The following NALCN variants were observed in gnomAD, a reference collection of about 807,000 sequenced individuals.
NALCN encodes the protein sodium leak channel NALCN.
In NALCN, 111 loss-of-function variants were observed where a neutral mutation model predicts 225.3. That is an observed-to-expected ratio of 0.49 (90% CI 0.42 to 0.58). The LOEUF (loss-of-function observed/expected upper bound fraction) is 0.58, where lower values mean the gene tolerates loss of function less well. NALCN is among the 20% of genes least tolerant of loss of function. NALCN has a pLI of 0.00. For synonymous variants in NALCN, 764 were observed against 769.0 expected (o/e 0.99, Z 0.11); for missense variants, 1,378 against 2,202.4 (o/e 0.63, Z 7.49).
intron 7 of NALCN, among the ~76,000 whole-genome samples, chr13:101,307,932 T>C (rs1245535902): frequency 2.6e-5 from 4 of 152,182 alleles, no homozygotes; most frequent in African/African-American, 9.7e-5. Context: ...ATCAGAACAA[T>C]ATAAAATTTA....
chr13:101,309,027 T>G (rs1475997909), intron 7 of NALCN, among the ~76,000 whole-genome samples: 1 of 152,214 alleles, frequency 6.6e-6, no homozygotes, highest in Non-Finnish European at 1.5e-5. Flanking sequence ...ATACTTTGAA[T>G]ATGAGATTGT....
chr13:101,215,145 C>T (rs2040679376), intron 13 of NALCN, among the ~76,000 whole-genome samples: 1 of 152,148 alleles, frequency 6.6e-6, no homozygotes, highest in Admixed American at 6.6e-5. Context: ...CTCTCATATA[C>T]TGCTGATAGC....
At chr13:101,259,767 T>A (rs994537384) in intron 10 of NALCN, among the ~76,000 whole-genome samples, 3 of 35,616 alleles carry the variant, frequency 8.4e-5, no homozygotes, top group African/African-American at 1.2e-4. Context: ...CACACATAAA[T>A]ATATATATAT....
chr13:101,168,994 G>A (rs2038587024), intron 15 of NALCN, among the ~76,000 whole-genome samples: 1 of 152,130 alleles, frequency 6.6e-6, no homozygotes, highest in South Asian at 2.1e-4. Flanking sequence ...ATTTCAGTCT[G>A]CACCTGCTTG....
At chr13:101,344,576 C>T (rs2045656602) in intron 7 of NALCN, among the ~76,000 whole-genome samples, 1 of 151,686 alleles carries the variant, frequency 6.6e-6, no homozygotes, top group South Asian at 2.1e-4. Context: ...TGGAATTATA[C>T]ATTTTTTGCT....
chr13:101,199,960 C>G (rs1444059054), intron 13 of NALCN, among the ~76,000 whole-genome samples: 1 of 152,108 alleles, frequency 6.6e-6, no homozygotes, highest in East Asian at 1.9e-4. Flanking sequence ...GGTTTCTCTT[C>G]AATTTCCTAA....
chr13:101,407,179 G>A (rs1050101385), intron 1 of NALCN, among the ~76,000 whole-genome samples: 1 of 152,132 alleles, frequency 6.6e-6, no homozygotes, highest in Non-Finnish European at 1.5e-5. Flanking sequence ...AGACAAAATA[G>A]AAATTCTCTA....
intron 15 of NALCN, among the ~76,000 whole-genome samples, chr13:101,157,569 T>C (rs910641888): frequency 1.3e-5 from 2 of 152,184 alleles, no homozygotes; most frequent in Admixed American, 1.3e-4. Context: ...AGTTGGATTA[T>C]AAATGAGGAT....
intron 13 of NALCN, among the ~76,000 whole-genome samples, chr13:101,219,848 T>A (rs550559320): frequency 6.6e-6 from 1 of 152,306 alleles, no homozygotes; most frequent in African/African-American, 2.4e-5. Flanking sequence ...TGTCCAGCTG[T>A]GTAACTTTGT....
intron 7 of NALCN, among the ~76,000 whole-genome samples, chr13:101,317,681 T>G (rs1230826193): frequency 6.6e-6 from 1 of 152,132 alleles, no homozygotes; most frequent in Admixed American, 6.5e-5. Flanking sequence ...ATGGACGCCC[T>G]CTCTTCCTGT....
intron 1 of NALCN, among the ~76,000 whole-genome samples, chr13:101,406,784 AT>A (rs770141773): frequency 6.6e-6 from 1 of 152,326 alleles, no homozygotes; most frequent in African/African-American, 2.4e-5. Context: ...GAAATATTCT[AT>A]TATACCTTCA....
At chr13:101,261,577 A>G (rs541202733) in intron 10 of NALCN, among the ~76,000 whole-genome samples, 86 of 152,136 alleles carry the variant, frequency 5.7e-4, no homozygotes, top group African/African-American at 9.9e-4. Context: ...TTTTTGGTTA[A>G]TTGCAAGGAA....
chr13:101,328,588 C>G (rs1028537496), intron 7 of NALCN, among the ~76,000 whole-genome samples: 1 of 152,092 alleles, frequency 6.6e-6, no homozygotes, highest in African/African-American at 2.4e-5. Context: ...GGTTTGTCTC[C>G]TATTTTTCCC....
At chr13:101,218,690 C>T (rs1412992478) in intron 13 of NALCN, among the ~76,000 whole-genome samples, 9 of 152,074 alleles carry the variant, frequency 5.9e-5, no homozygotes, top group African/African-American at 1.9e-4. Flanking sequence ...AATCAGGTTG[C>T]TTAAAAGTGT....
Position 101,292,616 on chromosome 13 carries a change from T to C in NALCN, c.800-250A>G, listed in dbSNP as rs542624766. Reference sequence around the variant, plus strand: ...AATTTGATATTATACCTTTAGCTGTTAAATGCAAATAATAATGTGGAAAAG... The same window carrying C: ...AATTTGATATTATACCTTTAGCTGTCAAATGCAAATAATAATGTGGAAAAG... On this transcript the variant is annotated intron_variant, in intron 7 of 43. Coordinates refer to ENST00000251127, the MANE Select transcript of NALCN (RefSeq NM_052867.4). This position sits in a 1 kb window ranked among gnomAD's most constrained non-coding sequence, Gnocchi z 4.3. 6.6e-6 allele frequency among the ~76,000 whole-genome samples: 1 copy of C among 152,308 alleles called. No individual in the cohort carries two copies. Among genetic ancestry groups the C allele is most frequent in the Admixed American group, 6.5e-5 (1 of 15,288 alleles).
chr13:101,359,397 G>A lies in NALCN; in HGVS notation c.645-13977C>T, dbSNP rs138950614. On this transcript the variant is annotated intron_variant, in intron 6 of 43. Transcript: ENST00000251127. ...GAAAGATACGTGTATCTTGAGCTTC[G>A]CATAAAACTGATGTCTCTTTATGGT... Among the ~76,000 whole-genome samples, 230 of 152,236 alleles carry A rather than the reference G, an allele frequency of 1.5e-3. 1 individual carries two copies. Among genetic ancestry groups the A allele is most frequent in the Non-Finnish European group, 2.6e-3 (177 of 68,008 alleles).
At chr13:101,207,319 T>C (rs2040351499) in intron 13 of NALCN, among the ~76,000 whole-genome samples, 1 of 152,244 alleles carries the variant, frequency 6.6e-6, no homozygotes, top group Non-Finnish European at 1.5e-5. Flanking sequence ...GACATTTTCT[T>C]ACTGAAATGG....
chr13:101,110,680 C>G lies in NALCN; in HGVS notation c.2303G>C (p.Arg768Thr), dbSNP rs758859890. The change falls in exon 20 of 44, where the codon AGA (arginine) becomes ACA (threonine). Residue 768 changes from arginine (R) to threonine (T), a missense_variant. This residue lies in a region of NALCN where 66 missense variants were observed against 85.7 expected (regional missense o/e 0.77). Coordinates refer to ENST00000251127, the MANE Select transcript of NALCN (RefSeq NM_052867.4). ...GATCCTCTGGCTGTTTGATCCATGT[C>G]TTAGTGACCTAAAACAACCACAGGC... ...HHIRQERRSL[R>T]HGSNSQRISR... The G allele has an allele frequency of 6.2e-7, 1 of 1,614,080 alleles. No homozygotes were observed. Among genetic ancestry groups the G allele is most frequent in the Non-Finnish European group, 8.5e-7 (1 of 1,179,954 alleles).
At chr13:101,188,559 TATATATACACACACATATATATAC>T (rs1218500115) in intron 14 of NALCN, among the ~76,000 whole-genome samples, 14 of 151,806 alleles carry the variant, frequency 9.2e-5, no homozygotes, top group South Asian at 2.1e-4. Context: ...TATGTATACA[TATATATACACACACATATATATAC>T]ATATATACAC....
Sources: allele counts gnomAD v4.1 joint callset (sites outside exome capture counted in the v4.1 genomes callset), GRCh38; gene constraint gnomAD v4.1.1; regional missense constraint gnomAD v4.1.1; non-coding constraint Gnocchi (gnomAD v3.1); transcripts MANE v1.5; gene names NCBI Gene and HGNC (gene_info 2026-07-23, HGNC 2026-07-21).